GRID2: variants seen among roughly 807,000 people sequenced by gnomAD.
GRID2 encodes glutamate receptor ionotropic, delta-2.
Under a neutral mutation model 114.8 loss-of-function variants are expected in GRID2, and 33 were observed. The ratio of observed to expected loss-of-function variants is 0.29; its 90% CI spans 0.22 to 0.38. The LOEUF (loss-of-function observed/expected upper bound fraction) is 0.38, where lower values mean the gene tolerates loss of function less well. GRID2 is among the 10% of genes least tolerant of loss of function. The pLI, the probability that GRID2 is intolerant of heterozygous loss-of-function variation, is 1.00. For synonymous variants in GRID2, 505 were observed against 449.9 expected, an observed-to-expected ratio of 1.12 and a Z score of -1.55; for missense variants, 1,184 against 1,257.7, an observed-to-expected ratio of 0.94 and a Z score of 0.89.
intron 1 of GRID2, among the ~76,000 whole-genome samples, chr4:92,354,687 C>A (rs1290365550): frequency 1.3e-5 from 2 of 151,912 alleles, no homozygotes; most frequent in African/African-American, 4.8e-5. Flanking sequence ...TATATGCCAA[C>A]TGTATGTCAA....
intron 1 of GRID2, among the ~76,000 whole-genome samples, chr4:92,359,765 G>A (rs183840500): frequency 1.3e-5 from 2 of 151,954 alleles, no homozygotes; most frequent in Admixed American, 1.3e-4. Context: ...AGGCCAGCAT[G>A]GTCTGTCTAG....
chr4:93,311,978 T>C (rs191976045), intron 8 of GRID2, among the ~76,000 whole-genome samples: 3 of 152,314 alleles, frequency 2.0e-5, no homozygotes, highest in Admixed American at 1.3e-4. Context: ...GATAAATTCA[T>C]AATGTAGAAA....
intron 2 of GRID2, among the ~76,000 whole-genome samples, chr4:93,025,999 TAGAAG>T (rs1310484039): frequency 6.6e-6 from 1 of 151,812 alleles, no homozygotes; most frequent in African/African-American, 2.4e-5. Context: ...ATTCATTACT[TAGAAG>T]AGAACAAAAA....
intron 1 of GRID2, among the ~76,000 whole-genome samples, chr4:92,482,000 AT>A (rs1560660435): frequency 1.8e-5 from 1 of 55,994 alleles, no homozygotes; most frequent in African/African-American, 6.5e-5. Flanking sequence ...ATATATATAT[AT>A]ATATATATAT....
Position 93,626,336 on chromosome 4 carries a change from C to A in GRID2, c.2261C>A (p.Pro754Gln). ...AVLEYVAIND[P>Q]DCSFYTIGNT... ...TTGGAATATGTGGCTATCAATGACC[C>A]AGATTGTTCCTTTTACACCATTGGA... Residue 754 changes from proline (P) to glutamine (Q), a missense_variant, in exon 14 of 16, where the codon CCA (proline) becomes CAA (glutamine). By Grantham distance (76) the Pro-to-Gln change is moderately conservative. Transcript: ENST00000282020. 6.2e-7 allele frequency: 1 copy of A among 1,601,580 alleles called. No homozygotes were observed. The highest frequency in any genetic ancestry group is 1.3e-5 in the African/African-American group (1 of 74,716).
intron 2 of GRID2, among the ~76,000 whole-genome samples, chr4:92,730,098 T>C (rs539205309): frequency 6.6e-6 from 1 of 152,122 alleles, no homozygotes; most frequent in South Asian, 2.1e-4. Context: ...GACAAAATAA[T>C]TATATCACAT....
chr4:93,305,617 T>C (rs1755336054), intron 8 of GRID2, among the ~76,000 whole-genome samples: 1 of 152,148 alleles, frequency 6.6e-6, no homozygotes, highest in African/African-American at 2.4e-5. Flanking sequence ...AGGGAAATAT[T>C]GGACAGAAAA....
chr4:93,397,014 T>A (rs971502793), intron 9 of GRID2, among the ~76,000 whole-genome samples: 1 of 151,994 alleles, frequency 6.6e-6, no homozygotes, highest in Non-Finnish European at 1.5e-5. Context: ...AATTAGTAAA[T>A]AGGAGAGGAA....
At chr4:93,415,637 T>A (rs943773332) in intron 9 of GRID2, among the ~76,000 whole-genome samples, 1 of 152,028 alleles carries the variant, frequency 6.6e-6, no homozygotes, top group Non-Finnish European at 1.5e-5. Flanking sequence ...AACTTATGCT[T>A]CTTTCAAATT....
At chr4:93,138,255 G>T (rs1473822202) in intron 4 of GRID2, among the ~76,000 whole-genome samples, 3 of 152,042 alleles carry the variant, frequency 2.0e-5, no homozygotes, top group Non-Finnish European at 2.9e-5. Context: ...GATTACAAGT[G>T]TGAGCCAAGG....
In GRID2 at chr4:92,508,592, C is replaced by T. The variant is rs187994618; in HGVS notation, c.89-81539C>T. Among the ~76,000 whole-genome samples the T allele has an allele frequency of 5.4e-3, 819 of 151,668 alleles. 6 individuals are homozygous for T. Among genetic ancestry groups the T allele is most frequent in the African/African-American group, 0.018 (743 of 41,366 alleles). ...ACTGAGAAAGAGCAGGCACAAAAGC[C>T]GGAAGGGAGACATAAGTATACCATG... On this transcript the variant is annotated intron_variant, in intron 1 of 15. Coordinates refer to ENST00000282020, the MANE Select transcript of GRID2 (RefSeq NM_001510.4).
intron 2 of GRID2, among the ~76,000 whole-genome samples, chr4:92,620,808 G>T (rs1056642111): frequency 4.6e-5 from 7 of 150,996 alleles, no homozygotes; most frequent in African/African-American, 1.7e-4. Context: ...GGGGGGAGTG[G>T]GGAGGGATAG....
intron 4 of GRID2, among the ~76,000 whole-genome samples, chr4:93,135,437 TG>T (rs1735158381): frequency 6.6e-6 from 1 of 152,236 alleles, no homozygotes; most frequent in South Asian, 2.1e-4. Flanking sequence ...AGCTTCCGTG[TG>T]TGCCATTTGA....
rs556260152 is a variant in GRID2, at chr4:93,358,168, T to C, written c.1246-37439T>C. Among the ~76,000 whole-genome samples the C allele has an allele frequency of 2.6e-5, 4 of 151,946 alleles. No individual in the cohort carries two copies. The South Asian group carries it at 8.3e-4, about 32-fold the overall frequency. On this transcript the variant is annotated intron_variant, in intron 8 of 15. Coordinates refer to ENST00000282020, the MANE Select transcript of GRID2 (RefSeq NM_001510.4). The stretch of plus-strand genomic sequence containing the variant: ...AGAAAGAGGACACTAACCTGGGTAT[T>C]CCAGATAGGCAATTATATCCTCAGT...
In GRID2 at chr4:93,366,198, G is replaced by A. The variant is rs190206124; in HGVS notation, c.1246-29409G>A. Among the ~76,000 whole-genome samples the A allele has an allele frequency of 2.7e-3, 408 of 152,256 alleles. 3 individuals carry two copies. Among genetic ancestry groups the A allele is most frequent in the African/African-American group, 8.6e-3 (358 of 41,554 alleles). ...CTTAAACTCTGACTGCCTGTGAGCC[G>A]GGTGGAACAGAGCCATATTTCTCTT... On this transcript the variant is annotated intron_variant, in intron 8 of 15. Transcript: ENST00000282020.
intron 7 of GRID2, among the ~76,000 whole-genome samples, chr4:93,236,931 A>C (rs1003959969): frequency 6.6e-6 from 1 of 152,108 alleles, no homozygotes; most frequent in Non-Finnish European, 1.5e-5. Flanking sequence ...CAGTGGAAGT[A>C]ATGATGATAA....
intron 1 of GRID2, among the ~76,000 whole-genome samples, chr4:92,480,626 A>T (rs1447649935): frequency 6.6e-6 from 1 of 152,070 alleles, no homozygotes; most frequent in African/African-American, 2.4e-5. Flanking sequence ...GGCTCTGGGG[A>T]GAATATGTTG....
At chr4:93,490,532 A>C in intron 11 of GRID2, 107 bp from the exon 12 acceptor site, 1 of 742,282 alleles carries the variant, frequency 1.3e-6, no homozygotes, top group East Asian at 2.5e-5. Context: ...GTTAAGCAGA[A>C]AAAATTCTCA....
intron 4 of GRID2, among the ~76,000 whole-genome samples, chr4:93,184,787 C>A (rs904944480): frequency 6.6e-6 from 1 of 152,110 alleles, no homozygotes; most frequent in Admixed American, 6.6e-5. Context: ...GAGGCTGAGA[C>A]AGGAGAATCA....
Sources: gnomAD v4.1 joint callset for allele counts (sites outside exome capture counted in the v4.1 genomes callset) on GRCh38, gnomAD v4.1.1 for gene constraint, MANE v1.5 for transcripts, NCBI Gene and HGNC (gene_info 2026-07-23, HGNC 2026-07-21) for gene names.